PLD1: variants seen among roughly 807,000 people sequenced by gnomAD.
PLD1 encodes phospholipase D1, also known as choline phosphatase 1.
In PLD1, 112 loss-of-function variants were observed where a neutral mutation model predicts 137.1. The observed-to-expected ratio is 0.82, with a 90% CI of 0.70 to 0.96. PLD1 has a LOEUF of 0.96. Ranked by LOEUF, PLD1 falls within the 40% of genes least tolerant of loss-of-function variation. The pLI is 0.00. For missense variants in PLD1, 1,321 were observed against 1,342.0 expected, an observed-to-expected ratio of 0.98 and a Z score of 0.24; for synonymous variants, 431 against 454.7, an observed-to-expected ratio of 0.95 and a Z score of 0.66.
At chr3:171,689,555 T>C (rs539269693) in intron 13 of PLD1, among the ~76,000 whole-genome samples, 20 of 152,192 alleles carry the variant, frequency 1.3e-4, no homozygotes, top group South Asian at 8.3e-4. Flanking sequence ...GGCTGGAGTG[T>C]AGACACGTGA....
At chr3:171,759,942 G>C (rs1721281634) in intron 1 of PLD1, among the ~76,000 whole-genome samples, 1 of 152,182 alleles carries the variant, frequency 6.6e-6, no homozygotes, top group South Asian at 2.1e-4. Flanking sequence ...CCCAAGGGCA[G>C]AAGCTCTGCT....
rs9825980 is a variant in PLD1 at position 171,645,687 on chromosome 3, A to T, written c.2430-664T>A. 6.8e-3 allele frequency among the ~76,000 whole-genome samples: 1,038 copies of T among 152,106 alleles called. 11 individuals carry two copies. Among genetic ancestry groups the T allele is most frequent in the African/African-American group, 0.02 (818 of 41,482 alleles). On this transcript the variant is annotated intron_variant, in intron 21 of 26. Coordinates refer to ENST00000351298, the MANE Select transcript of PLD1 (RefSeq NM_002662.5). ...ACCACGAGGTCAAGAAATTGAGACC[A>T]TCCTGGCTAACACGGTGAAACCCCG...
At chr3:171,709,784 T>C in intron 9 of PLD1, 75 bp from the exon 10 acceptor site, 1 of 1,294,574 alleles carries the variant, frequency 7.7e-7, no homozygotes. Flanking sequence ...TTTGGTAATA[T>C]ACCAAACACA....
intron 2 of PLD1, 108 bp from the exon 3 acceptor site, chr3:171,737,767 A>C: frequency 5.3e-6 from 7 of 1,312,874 alleles, no homozygotes; most frequent in Non-Finnish European, 7.4e-6. Flanking sequence ...CCTCTTATAA[A>C]ATGATCTGAG....
intron 19 of PLD1, among the ~76,000 whole-genome samples, chr3:171,672,446 T>A (rs1228857094): frequency 6.6e-6 from 1 of 152,188 alleles, no homozygotes; most frequent in Non-Finnish European, 1.5e-5. Flanking sequence ...GATTAACATA[T>A]GAGCTTATCA....
chr3:171,667,033 T>C (rs1712222585), intron 19 of PLD1, among the ~76,000 whole-genome samples: 1 of 152,252 alleles, frequency 6.6e-6, no homozygotes, highest in South Asian at 2.1e-4. Context: ...TTAGTATTTG[T>C]CCCAAATTCC....
intron 12 of PLD1, 71 bp downstream of exon 12, chr3:171,699,674 G>C: frequency 9.0e-7 from 1 of 1,115,714 alleles, no homozygotes; most frequent in Non-Finnish European, 1.3e-6. Context: ...GAAAGGCTTT[G>C]AAAAGAAAAG....
chr3:171,606,642 C>T (rs1284134192), intron 25 of PLD1, among the ~76,000 whole-genome samples: 1 of 152,108 alleles, frequency 6.6e-6, no homozygotes, highest in Non-Finnish European at 1.5e-5. Context: ...AATTGACCAC[C>T]GGCTTTAACA....
At chr3:171,604,241 G>A (rs574776160) in intron 26 of PLD1, among the ~76,000 whole-genome samples, 4 of 151,288 alleles carry the variant, frequency 2.6e-5, no homozygotes, top group African/African-American at 9.7e-5. Flanking sequence ...TTGAACCCAG[G>A]AGGTAGAAAT....
chr3:171,670,205 T>C (rs1279325984), intron 19 of PLD1, among the ~76,000 whole-genome samples: 1 of 152,084 alleles, frequency 6.6e-6, no homozygotes, highest in Non-Finnish European at 1.5e-5. Context: ...TAAGTTCTAG[T>C]ATTCAATAGC....
intron 1 of PLD1, among the ~76,000 whole-genome samples, chr3:171,767,629 C>A (rs1722068457): frequency 6.6e-6 from 1 of 152,194 alleles, no homozygotes; most frequent in Non-Finnish European, 1.5e-5. Flanking sequence ...GTCATAGCTG[C>A]CTACTAGTTG....
intron 19 of PLD1, chr3:171,666,170 C>A (rs543988836): frequency 1.3e-5 from 2 of 152,322 alleles, no homozygotes; most frequent in South Asian, 2.1e-4. Context: ...ATAAGTCAAA[C>A]CCATTGTATT....
intron 1 of PLD1, among the ~76,000 whole-genome samples, chr3:171,772,274 C>T (rs537085014): frequency 6.6e-6 from 1 of 152,274 alleles, no homozygotes; most frequent in East Asian, 1.9e-4. Flanking sequence ...CTTATTTCAA[C>T]ACAATAACCA....
chr3:171,794,128 G>A (rs1343956778), intron 1 of PLD1, among the ~76,000 whole-genome samples: 37 of 147,504 alleles, frequency 2.5e-4, no homozygotes, highest in African/African-American at 9.1e-4. Flanking sequence ...TACACGAGGG[G>A]AGCAAGAATC....
intron 1 of PLD1, among the ~76,000 whole-genome samples, chr3:171,770,525 T>C (rs1481164142): frequency 6.6e-6 from 1 of 152,130 alleles, no homozygotes; most frequent in African/African-American, 2.4e-5. Flanking sequence ...TAAAATCAAC[T>C]GTGTATAAAA....
At chr3:171,634,991 T>C (rs1734984557) in intron 23 of PLD1, among the ~76,000 whole-genome samples, 3 of 152,188 alleles carry the variant, frequency 2.0e-5, no homozygotes, top group Non-Finnish European at 4.4e-5. Context: ...GATTTGCCTA[T>C]TGAAGACATT....
chr3:171,717,220 A>G (rs1260763398), intron 8 of PLD1, among the ~76,000 whole-genome samples: 1 of 152,170 alleles, frequency 6.6e-6, no homozygotes, highest in Non-Finnish European at 1.5e-5. Context: ...GAATTTTAAA[A>G]TAGTTTTTTC....
At chr3:171,639,848 C>CTCTCTATATATATATA (rs3050415) in intron 23 of PLD1, among the ~76,000 whole-genome samples, 99 of 110,178 alleles carry the variant, frequency 9.0e-4, no homozygotes, top group African/African-American at 3.7e-3. Flanking sequence ...CTCTCTCTCT[C>CTCTCTATATATATATA]TATATATATA....
chr3:171,734,645 G>A (rs1452442865), intron 5 of PLD1, among the ~76,000 whole-genome samples: 1 of 152,024 alleles, frequency 6.6e-6, no homozygotes, highest in Non-Finnish European at 1.5e-5. Flanking sequence ...ATAATGTCAA[G>A]GCCTAACCAA....
Sources: gnomAD v4.1 joint callset for allele counts (sites outside exome capture counted in the v4.1 genomes callset) on GRCh38, gnomAD v4.1.1 for gene constraint, MANE v1.5 for transcripts, NCBI Gene and HGNC (gene_info 2026-07-23, HGNC 2026-07-21) for gene names.